The following AGMO variants were observed in gnomAD, a reference collection of about 807,000 sequenced individuals.
The protein encoded by AGMO is glyceryl-ether monooxygenase.
Under a neutral mutation model 60.2 loss-of-function variants are expected in AGMO, and 75 were observed. The observed-to-expected ratio is 1.25, with a 90% CI of 1.03 to 1.51. The LOEUF is 1.51. Among genes scored for constraint, AGMO ranks in the 40% most tolerant of loss-of-function variants. The probability of loss-of-function intolerance (pLI) is 0.00; values close to 1 mark genes in which losing one functional copy is unlikely to be tolerated. For synonymous variants in AGMO, 261 were observed against 177.1 expected (o/e 1.47, Z -3.76); for missense variants, 763 against 525.5 (o/e 1.45, Z -4.42).
chr7:15,385,134 T>C (rs1783862370), intron 10 of AGMO, among the ~76,000 whole-genome samples: 1 of 152,174 alleles, frequency 6.6e-6, no homozygotes, highest in Non-Finnish European at 1.5e-5. Flanking sequence ...CACATTTAAT[T>C]CTGACTTCTG....
At chr7:15,509,132 T>A (rs1484569171) in intron 3 of AGMO, among the ~76,000 whole-genome samples, 2 of 152,152 alleles carry the variant, frequency 1.3e-5, no homozygotes, top group Admixed American at 1.3e-4. Flanking sequence ...AAAGGGAGAC[T>A]CTGGAAGACT....
At chr7:15,437,377 TTAAG>T (rs1384352648) in intron 3 of AGMO, among the ~76,000 whole-genome samples, 1 of 152,174 alleles carries the variant, frequency 6.6e-6, no homozygotes, top group Admixed American at 6.5e-5. Flanking sequence ...AGAACACAAA[TTAAG>T]TATATCTAAA....
rs1000048885 is a variant in AGMO at position 15,332,579 on chromosome 7, T to C, written c.1263+32935A>G. On this transcript the variant is annotated intron_variant, in intron 12 of 12. Coordinates refer to ENST00000342526, the MANE Select transcript of AGMO (RefSeq NM_001004320.2). ...ACCCATCCTGACCTGACAACCTGAT[T>C]TTCCCACTTAGAAGCTGTATGACCC... Among the ~76,000 whole-genome samples, 6 of 152,118 alleles carry C rather than the reference T, an allele frequency of 3.9e-5. No homozygotes were observed. In the East Asian group the frequency reaches 1.2e-3, roughly 29 times the overall value.
At chr7:15,226,421 G>A (rs1583307005) in intron 12 of AGMO, among the ~76,000 whole-genome samples, 1 of 152,028 alleles carries the variant, frequency 6.6e-6, no homozygotes, top group African/African-American at 2.4e-5. Flanking sequence ...GTTCTGAAAA[G>A]GACATTCTGT....
chr7:15,330,056 T>G, intron 12 of AGMO, among the ~76,000 whole-genome samples: 1 of 122,884 alleles, frequency 8.1e-6, no homozygotes, highest in East Asian at 2.5e-4. Context: ...AATATAGAAT[T>G]ATTTTCTTTT....
chr7:15,250,960 A>G (rs2128506399), intron 12 of AGMO, among the ~76,000 whole-genome samples: 1 of 151,956 alleles, frequency 6.6e-6, no homozygotes, highest in African/African-American at 2.4e-5. Context: ...AAAAAAATAT[A>G]TATATATACC....
intron 3 of AGMO, among the ~76,000 whole-genome samples, chr7:15,511,752 G>C (rs1401814844): frequency 6.6e-6 from 1 of 152,004 alleles, no homozygotes; most frequent in Non-Finnish European, 1.5e-5. Flanking sequence ...TGAATATATA[G>C]TTTTATTTGT....
In AGMO at chr7:15,533,334, A is replaced by ATATT. The variant is rs750628151; in HGVS notation, c.409+11434_409+11437dup. On this transcript the variant is annotated intron_variant, in intron 3 of 12. Transcript: ENST00000342526. ...ATTTTCATTTGCCATTTTTCTTATG[A>ATATT]TATTTATTTAGTCAAAATATTAATC... 2.6e-5 allele frequency among the ~76,000 whole-genome samples: 4 copies of ATATT among 151,962 alleles called. 1 individual carries two copies. The highest frequency in any genetic ancestry group is 3.9e-4 in the East Asian group (2 of 5,192).
rs1784145237 is a variant in AGMO, at chr7:15,526,986, T to C, written c.409+17786A>G. Among the ~76,000 whole-genome samples, 4 of 152,180 alleles carry C rather than the reference T, an allele frequency of 2.6e-5. No individual in the cohort carries two copies. In the South Asian group the frequency reaches 6.2e-4, roughly 24 times the overall value. On this transcript the variant is annotated intron_variant, in intron 3 of 12. Transcript: ENST00000342526. ...GGATAAATGTTTTGTGTGTTCTGAG[T>C]ACTCCACTTACCTGCAGTTCCCCTG... is the stretch of plus-strand genomic sequence containing the variant.
intron 12 of AGMO, among the ~76,000 whole-genome samples, chr7:15,302,312 A>G (rs946212721): frequency 1.3e-5 from 2 of 152,182 alleles, no homozygotes; most frequent in African/African-American, 4.8e-5. Flanking sequence ...TTTAATTTAC[A>G]GAATTCTTCT....
downstream of AGMO, chr7:15,200,204 TTA>T (rs1444967820): frequency 6.7e-6 from 1 of 149,750 alleles, no homozygotes; most frequent in Non-Finnish European, 1.5e-5. Flanking sequence ...GATTTTTTTT[TTA>T]ACTTTTTCCA....
At chr7:15,283,917 C>G (rs1784033190) in intron 12 of AGMO, among the ~76,000 whole-genome samples, 1 of 151,970 alleles carries the variant, frequency 6.6e-6, no homozygotes, top group African/African-American at 2.4e-5. Flanking sequence ...TAGAAATCAA[C>G]TCCAAAAGGA....
In AGMO at chr7:15,461,725, G is replaced by A. The variant is rs192581109; in HGVS notation, c.410-30617C>T. On this transcript the variant is annotated intron_variant, in intron 3 of 12. Transcript: ENST00000342526. Reference sequence around the variant, plus strand: ...TAAATGATTCAGGATTTTAGAATTCGTTTCCCTTGCCAAGAAACAAAAAGC... The same window carrying A: ...TAAATGATTCAGGATTTTAGAATTCATTTCCCTTGCCAAGAAACAAAAAGC... 7.0e-4 allele frequency among the ~76,000 whole-genome samples: 107 copies of A among 152,132 alleles called. 2 individuals are homozygous for A. The Middle Eastern group carries it at 0.014, about 19-fold the overall frequency.
chr7:15,370,724 T>C (rs1260460647), intron 10 of AGMO, among the ~76,000 whole-genome samples: 1 of 149,104 alleles, frequency 6.7e-6, no homozygotes, highest in Non-Finnish European at 1.5e-5. Flanking sequence ...TTGCCCATTT[T>C]TTAATGTGGC....
At chr7:15,267,347 T>C (rs1042620076) in intron 12 of AGMO, among the ~76,000 whole-genome samples, 2 of 151,844 alleles carry the variant, frequency 1.3e-5, no homozygotes, top group African/African-American at 2.4e-5. Context: ...CAGTATTAAG[T>C]GAAAAAGACA....
intron 12 of AGMO, among the ~76,000 whole-genome samples, chr7:15,334,378 C>T (rs1409586641): frequency 6.6e-6 from 1 of 151,130 alleles, no homozygotes; most frequent in African/African-American, 2.4e-5. Context: ...TTCAAGTAGT[C>T]CTGTCTTTGG....
At chr7:15,523,509 A>C (rs1013508433) in intron 3 of AGMO, among the ~76,000 whole-genome samples, 16 of 152,364 alleles carry the variant, frequency 1.1e-4, no homozygotes, top group African/African-American at 3.8e-4. Flanking sequence ...GTCATAAAAA[A>C]TAATGAGTTT....
rs557781169 is a variant in AGMO at position 15,477,492 on chromosome 7, G to C, written c.410-46384C>G. ...ATGAGACACTGGTGCAAGGAAATGC[G>C]AACAGATTGGCAGCTGCCAATAGAA... On this transcript the variant is annotated intron_variant, in intron 3 of 12. Coordinates refer to ENST00000342526, the MANE Select transcript of AGMO (RefSeq NM_001004320.2). Among the ~76,000 whole-genome samples the C allele has an allele frequency of 4.9e-3, 752 of 152,170 alleles. 4 individuals are homozygous for C. The highest frequency in any genetic ancestry group is 0.018 in the African/African-American group (728 of 41,536).
At chr7:15,311,861 G>A (rs1322665618) in intron 12 of AGMO, among the ~76,000 whole-genome samples, 2 of 151,912 alleles carry the variant, frequency 1.3e-5, no homozygotes, top group Non-Finnish European at 2.9e-5. Context: ...CTATTTTTAG[G>A]GAAAATTATG....
Sources: allele counts gnomAD v4.1 joint callset (sites outside exome capture counted in the v4.1 genomes callset), GRCh38; gene constraint gnomAD v4.1.1; transcripts MANE v1.5; gene names NCBI Gene and HGNC (gene_info 2026-07-23, HGNC 2026-07-21).